MCC: variants seen among roughly 807,000 people sequenced by gnomAD.
MCC encodes MCC regulator of Wnt signaling pathway.
Under a neutral mutation model 116.2 loss-of-function variants are expected in MCC, and 90 were observed. The observed-to-expected ratio is 0.77, with a 90% CI of 0.65 to 0.92. The LOEUF (loss-of-function observed/expected upper bound fraction) is 0.92. Ranked by LOEUF, MCC falls within the 40% of genes least tolerant of loss-of-function variation. The pLI is 0.00. For synonymous variants in MCC, 578 were observed against 510.5 expected (o/e 1.13, Z -1.78); for missense variants, 1,516 against 1,312.2 (o/e 1.16, Z -2.40).
At chr5:113,482,401 T>C (rs1772403339) in intron 1 of MCC, among the ~76,000 whole-genome samples, 1 of 152,198 alleles carries the variant, frequency 6.6e-6, no homozygotes, top group African/African-American at 2.4e-5. Context: ...TTCTGATTTC[T>C]TTACATCCTT....
At position 113,433,751 on chromosome 5, in the gene MCC, C is replaced by A. The variant is rs866652443; in HGVS notation, c.171-48539G>T. On this transcript the variant is annotated intron_variant, in intron 1 of 18. Coordinates refer to ENST00000408903, the MANE Select transcript of MCC (RefSeq NM_001085377.2). ...CGCAAGAAGCTCACTGGGCCCGCGT[C>A]TCTGGAGGCTGTTGGGGGGGCCCTT... The A allele has an allele frequency of 1.9e-6, 3 of 1,613,080 alleles. No homozygotes were observed. The African/African-American group carries it at 4.0e-5, about 22-fold the overall frequency.
chr5:113,158,622 T>G (rs907495336), intron 3 of MCC, among the ~76,000 whole-genome samples: 2 of 152,210 alleles, frequency 1.3e-5, no homozygotes, highest in East Asian at 1.9e-4. Context: ...CATATCTTAT[T>G]TAACCATCAC....
At chr5:113,057,548 C>T (rs941837011) in intron 14 of MCC, among the ~76,000 whole-genome samples, 9 of 152,222 alleles carry the variant, frequency 5.9e-5, no homozygotes, top group Non-Finnish European at 1.0e-4. Context: ...TGGAACACCA[C>T]GGGCTATTCC....
chr5:113,448,409 CTT>C (rs1261110447), intron 1 of MCC: 1 of 151,494 alleles, frequency 6.6e-6, no homozygotes, highest in Non-Finnish European at 1.5e-5. Context: ...AGGGTAAACA[CTT>C]TGTTTAAATA....
rs1262169254 is a variant in MCC, at chr5:113,023,692, A to G, written c.*3610T>C. On this transcript the variant is annotated 3_prime_UTR_variant, in exon 19 of 19. Coordinates refer to ENST00000408903, the MANE Select transcript of MCC (RefSeq NM_001085377.2). Reference sequence around the variant, plus strand: ...ACATACTCCCAATTAAGAATTTGCAAATTGTTTAAAGCCTTATGGAGGAAA... The same window carrying G: ...ACATACTCCCAATTAAGAATTTGCAGATTGTTTAAAGCCTTATGGAGGAAA... 6.6e-6 allele frequency: 1 copy of G among 152,244 alleles called. No homozygotes were observed. Among genetic ancestry groups the G allele is most frequent in the African/African-American group, 2.4e-5 (1 of 41,468 alleles). 9.4% of individuals were successfully genotyped at this position (152,244 alleles called of 1,614,324 possible).
In MCC at chr5:113,082,857, C is replaced by T. The variant is rs751289712; in HGVS notation, c.1784+3G>A. 6.2e-7 allele frequency: 1 copy of T among 1,613,738 alleles called. No individual in the cohort carries two copies. Among genetic ancestry groups the T allele is most frequent in the South Asian group, 1.1e-5 (1 of 90,974 alleles). ...CAATCAAATCGATACGATCTCTCCT[C>T]ACCTATTCAGCCGTTCTGTTTCCAC... is the stretch of plus-strand genomic sequence containing the variant. On this transcript the variant is annotated splice_donor_region_variant and intron_variant, in intron 11 of 18. Transcript: ENST00000408903.
chr5:113,386,461 C>G (rs947532489), intron 1 of MCC, among the ~76,000 whole-genome samples: 2 of 152,054 alleles, frequency 1.3e-5, no homozygotes, highest in African/African-American at 4.8e-5. Flanking sequence ...CTGCACTCCC[C>G]TCCCCCACCT....
At chr5:113,214,739 C>G (rs1182736337) in intron 3 of MCC, among the ~76,000 whole-genome samples, 1 of 152,186 alleles carries the variant, frequency 6.6e-6, no homozygotes, top group African/African-American at 2.4e-5. Flanking sequence ...ACCCTCCAAG[C>G]CATTTTCCAC....
rs1201474990 is a variant in MCC at position 113,025,142 on chromosome 5, C to T, written c.*2160G>A. 2 of 152,136 alleles carry T rather than the reference C, an allele frequency of 1.3e-5. No individual in the cohort carries two copies. Among genetic ancestry groups the T allele is most frequent in the South Asian group, 2.1e-4 (1 of 4,824 alleles). 9.4% of individuals were successfully genotyped at this position (152,136 alleles called of 1,614,324 possible). A position where few individuals can be genotyped will look rare whatever the true frequency, so the allele number is the denominator to read the frequency against. Reference sequence around the variant, plus strand: ...TCTGTGTCAGTGAAAATGAAAACTGCCCATTTGATGCCTGCTTAATCACAA... The same window carrying T: ...TCTGTGTCAGTGAAAATGAAAACTGTCCATTTGATGCCTGCTTAATCACAA... On this transcript the variant is annotated 3_prime_UTR_variant, in exon 19 of 19. Transcript: ENST00000408903.
intron 3 of MCC, among the ~76,000 whole-genome samples, chr5:113,184,310 GAAACTC>G (rs1761779016): frequency 6.6e-6 from 1 of 152,078 alleles, no homozygotes; most frequent in South Asian, 2.1e-4. Context: ...TACCCTCCCT[GAAACTC>G]AACTGGTTTT....
intron 3 of MCC, among the ~76,000 whole-genome samples, chr5:113,236,614 C>T (rs181593705): frequency 6.6e-6 from 1 of 152,268 alleles, no homozygotes; most frequent in East Asian, 1.9e-4. Context: ...AATTGAGTGC[C>T]ATTATAATGT....
At chr5:113,102,385 A>G (rs1413750757) in intron 7 of MCC, among the ~76,000 whole-genome samples, 2 of 152,244 alleles carry the variant, frequency 1.3e-5, no homozygotes, top group Non-Finnish European at 2.9e-5. Context: ...TTCCTAAATT[A>G]TAGGCCTCCC....
At chr5:113,228,012 C>T (rs146803034) in intron 3 of MCC, among the ~76,000 whole-genome samples, 175 of 152,294 alleles carry the variant, frequency 1.1e-3, no homozygotes, top group African/African-American at 3.9e-3. Flanking sequence ...CTACTGTCAA[C>T]GAAATCACAA....
chr5:113,422,190 T>C (rs1007083438), intron 1 of MCC, among the ~76,000 whole-genome samples: 1 of 152,196 alleles, frequency 6.6e-6, no homozygotes, highest in African/African-American at 2.4e-5. Context: ...CATGGTTGAT[T>C]TGAAGCTATC....
At chr5:113,212,159 A>C (rs1458006467) in intron 3 of MCC, among the ~76,000 whole-genome samples, 1 of 152,234 alleles carries the variant, frequency 6.6e-6, no homozygotes, top group Non-Finnish European at 1.5e-5. Context: ...CAATAATAAC[A>C]AATTAGTAAA....
chr5:113,184,916 A>C (rs778717262), intron 3 of MCC, among the ~76,000 whole-genome samples: 9 of 152,190 alleles, frequency 5.9e-5, no homozygotes, highest in Non-Finnish European at 1.2e-4. Flanking sequence ...CAGTGGGAGA[A>C]GTAAAGAAAA....
intron 5 of MCC, among the ~76,000 whole-genome samples, chr5:113,132,809 C>T (rs944917025): frequency 6.6e-6 from 1 of 152,054 alleles, no homozygotes. Flanking sequence ...ACTCAGTGTC[C>T]CAATTTCCTC....
chr5:113,073,292 C>T (rs1754172145), intron 11 of MCC, among the ~76,000 whole-genome samples: 1 of 152,180 alleles, frequency 6.6e-6, no homozygotes. Context: ...CCACACATGG[C>T]GTGCGTGAGG....
chr5:113,460,914 G>A (rs1435940149), intron 1 of MCC, among the ~76,000 whole-genome samples: 2 of 152,184 alleles, frequency 1.3e-5, no homozygotes, highest in Non-Finnish European at 2.9e-5. Context: ...ATCAAAATTT[G>A]AGAAGTACTG....
Sources: gnomAD v4.1 joint callset for allele counts (sites outside exome capture counted in the v4.1 genomes callset) on GRCh38, gnomAD v4.1.1 for gene constraint, MANE v1.5 for transcripts, NCBI Gene and HGNC (gene_info 2026-07-23, HGNC 2026-07-21) for gene names.